The following SIPA1L2 variants were observed in gnomAD, a reference collection of about 807,000 sequenced individuals.
The protein encoded by SIPA1L2 is signal-induced proliferation-associated 1-like protein 2.
Under a neutral mutation model 163.9 loss-of-function variants are expected in SIPA1L2, and 56 were observed. The ratio of observed to expected loss-of-function variants is 0.34; its 90% CI spans 0.28 to 0.43. The LOEUF is 0.43. SIPA1L2 is among the 20% of genes least tolerant of loss of function. The probability of loss-of-function intolerance (pLI) is 1.00; values close to 1 mark genes in which losing one functional copy is unlikely to be tolerated. For missense variants in SIPA1L2, 1,974 were observed against 2,193.5 expected, an observed-to-expected ratio of 0.90 and a Z score of 2.00; for synonymous variants, 877 against 865.7, an observed-to-expected ratio of 1.01 and a Z score of -0.23.
At chr1:232,529,829 C>T (rs1358548982) in intron 2 of SIPA1L2, among the ~76,000 whole-genome samples, 1 of 152,184 alleles carries the variant, frequency 6.6e-6, no homozygotes, top group African/African-American at 2.4e-5. Flanking sequence ...CCAACTTTGG[C>T]CAACAGAAGG....
chr1:232,567,946 G>A lies in SIPA1L2; in HGVS notation c.-270+6228C>T, dbSNP rs115935260. Among the ~76,000 whole-genome samples the A allele has an allele frequency of 8.0e-3, 1,211 of 152,276 alleles. 11 individuals carry two copies. The highest frequency in any genetic ancestry group is 0.027 in the African/African-American group (1,128 of 41,554). On this transcript the variant is annotated intron_variant, in intron 2 of 22. Transcript: ENST00000674635. ...TGTAATGAAGCTTCTCTAACAGTCC[G>A]AAACGCCAGGGTTCCAGAAGCTTCC...
At chr1:232,627,316 C>CA (rs981103799) in intron 1 of SIPA1L2, among the ~76,000 whole-genome samples, 1 of 152,198 alleles carries the variant, frequency 6.6e-6, no homozygotes, top group Non-Finnish European at 1.5e-5. Flanking sequence ...GATGCCCAAA[C>CA]ACAGTGCTTT....
chr1:232,591,506 C>T (rs1228919606), intron 1 of SIPA1L2, among the ~76,000 whole-genome samples: 3 of 152,256 alleles, frequency 2.0e-5, no homozygotes, highest in Non-Finnish European at 4.4e-5. Flanking sequence ...GTGGCTGCCT[C>T]TGGCTGGTCT....
intron 8 of SIPA1L2, among the ~76,000 whole-genome samples, chr1:232,469,646 C>T (rs1664699393): frequency 6.6e-6 from 1 of 152,026 alleles, no homozygotes; most frequent in Non-Finnish European, 1.5e-5. Flanking sequence ...TTCTTAAAAA[C>T]CAATGACTCC....
chr1:232,468,606 T>C (rs1406974113), intron 8 of SIPA1L2, among the ~76,000 whole-genome samples: 4 of 152,220 alleles, frequency 2.6e-5, no homozygotes, highest in Admixed American at 2.0e-4. Flanking sequence ...GCTGTTACTG[T>C]CACTATTACT....
In SIPA1L2 at chr1:232,411,040, C is replaced by G. The variant is rs542080875; in HGVS notation, c.4762+4454G>C. Among the ~76,000 whole-genome samples, 202 of 152,282 alleles carry G rather than the reference C, an allele frequency of 1.3e-3. 2 individuals are homozygous for G. Among genetic ancestry groups the G allele is most frequent in the Middle Eastern group, 0.01 (3 of 294 alleles). On this transcript the variant is annotated intron_variant, in intron 19 of 22. Coordinates refer to ENST00000674635, the MANE Select transcript of SIPA1L2 (RefSeq NM_020808.5). ...TCTGGGTAAATAAAGAGCCCCACAA[C>G]TGGGATCAGCCAAGCTGGGCAGGCA...
intron 7 of SIPA1L2, among the ~76,000 whole-genome samples, chr1:232,471,893 C>G (rs908664416): frequency 6.6e-6 from 1 of 152,198 alleles, no homozygotes; most frequent in Admixed American, 6.5e-5. Context: ...AGAGAGGGTA[C>G]AGGTTTGCTG....
intron 5 of SIPA1L2, among the ~76,000 whole-genome samples, chr1:232,487,919 TAC>T (rs5781699): frequency 0.33 from 46,807 of 143,670 alleles, 7,517 homozygotes; most frequent in Non-Finnish European, 0.39. Flanking sequence ...GTAATTAGGT[TAC>T]ACACACACAC....
intron 5 of SIPA1L2, among the ~76,000 whole-genome samples, chr1:232,489,025 C>G (rs1380702028): frequency 6.6e-6 from 1 of 152,190 alleles, no homozygotes; most frequent in Non-Finnish European, 1.5e-5. Flanking sequence ...AAAAGAAGCC[C>G]TAAATGGTGG....
chr1:232,496,421 T>C (rs943059194), intron 3 of SIPA1L2, among the ~76,000 whole-genome samples: 4 of 152,138 alleles, frequency 2.6e-5, no homozygotes, highest in Non-Finnish European at 4.4e-5. Context: ...TCAGAACATA[T>C]CTCTGTTCTT....
chr1:232,526,974 T>C (rs1023504742), intron 2 of SIPA1L2, among the ~76,000 whole-genome samples: 1 of 152,200 alleles, frequency 6.6e-6, no homozygotes, highest in East Asian at 1.9e-4. Flanking sequence ...CTTGGGGGCC[T>C]GACAGAATAA....
chr1:232,545,880 C>T (rs188524711), intron 2 of SIPA1L2, among the ~76,000 whole-genome samples: 29 of 152,340 alleles, frequency 1.9e-4, no homozygotes, highest in African/African-American at 4.8e-4. Flanking sequence ...TAAGTTATAG[C>T]TTCCTTTAAG....
At chr1:232,494,737 T>C (rs971031530) in intron 3 of SIPA1L2, among the ~76,000 whole-genome samples, 6 of 152,178 alleles carry the variant, frequency 3.9e-5, no homozygotes, top group South Asian at 2.1e-4. Flanking sequence ...GTGGGAACAA[T>C]TACCCAAATG....
chr1:232,506,028 TG>T (rs933785188), intron 3 of SIPA1L2, among the ~76,000 whole-genome samples: 2 of 152,150 alleles, frequency 1.3e-5, no homozygotes, highest in African/African-American at 4.8e-5. Flanking sequence ...TATGTAAAGG[TG>T]TAGGCCCGCC....
chr1:232,599,102 G>A (rs910408675), intron 1 of SIPA1L2, among the ~76,000 whole-genome samples: 3 of 152,022 alleles, frequency 2.0e-5, no homozygotes, highest in African/African-American at 7.2e-5. Flanking sequence ...AGTTCCCTTA[G>A]CAAATAATGA....
intron 2 of SIPA1L2, among the ~76,000 whole-genome samples, chr1:232,538,018 C>G (rs1657417131): frequency 1.3e-5 from 2 of 152,200 alleles, no homozygotes. Flanking sequence ...TTTAAGTTAT[C>G]TGTGACAATC....
intron 2 of SIPA1L2, among the ~76,000 whole-genome samples, chr1:232,553,103 G>A (rs1329902837): frequency 6.6e-6 from 1 of 152,180 alleles, no homozygotes; most frequent in African/African-American, 2.4e-5. Context: ...CTTGAAGGAT[G>A]GTGAATTCAG....
chr1:232,425,532 G>T, intron 18 of SIPA1L2, 57 bp downstream of exon 18: 1 of 1,386,588 alleles, frequency 7.2e-7, no homozygotes, highest in Admixed American at 2.3e-5. Context: ...TGAGGCAGGA[G>T]TTGTGCGATC....
chr1:232,626,004 C>T (rs1198856658), intron 1 of SIPA1L2, among the ~76,000 whole-genome samples: 2 of 152,110 alleles, frequency 1.3e-5, no homozygotes, highest in East Asian at 1.9e-4. Flanking sequence ...TATAAATCCA[C>T]GAGTGGGGTA....
Sources: allele counts gnomAD v4.1 joint callset (sites outside exome capture counted in the v4.1 genomes callset), GRCh38; gene constraint gnomAD v4.1.1; transcripts MANE v1.5; gene names NCBI Gene and HGNC (gene_info 2026-07-23, HGNC 2026-07-21).